Variants in TAC1 observed in about 807,000 individuals in gnomAD.
TAC1 encodes the protein protachykinin-1.
Under a neutral mutation model 21.7 loss-of-function variants are expected in TAC1, and 12 were observed. The observed-to-expected ratio is 0.55, with a 90% CI of 0.35 to 0.89. The LOEUF is 0.89. Among genes scored for constraint, TAC1 ranks in the 40% least tolerant of loss-of-function variants. TAC1 has a pLI of 0.01. For missense variants in TAC1, 128 were observed against 151.4 expected (o/e 0.85, Z 0.81); for synonymous variants, 52 against 52.0 (o/e 1.00, Z 0.00).
chr7:97,735,800 T>C (rs1789563967), intron 5 of TAC1, among the ~76,000 whole-genome samples: 1 of 152,102 alleles, frequency 6.6e-6, no homozygotes, highest in Non-Finnish European at 1.5e-5. Context: ...CTAATAAACT[T>C]TTCTGAAAGG....
rs1789450349 is a variant in TAC1 at position 97,732,179 on chromosome 7, C to CG, written c.-23dup. 1 of 154,616 alleles carries CG rather than the reference C, an allele frequency of 6.5e-6. No individual in the cohort carries two copies. The highest frequency in any genetic ancestry group is 2.4e-5 in the African/African-American group (1 of 41,462). The allele number at this position is 154,616 out of a possible 1,614,324, so 9.6% of individuals were successfully genotyped here. Reference sequence around the variant, plus strand: ...GGAACCAGAGAAACTCAGCACCCCGCGGGACTGTCCGTCGCAGTAAGTGCC... The same window carrying CG: ...GGAACCAGAGAAACTCAGCACCCCGCGGGGACTGTCCGTCGCAGTAAGTGCC... On this transcript the variant is annotated 5_prime_UTR_variant, in exon 1 of 7. Coordinates refer to ENST00000319273, the MANE Select transcript of TAC1 (RefSeq NM_003182.3). This position sits in a 1 kb window ranked among gnomAD's most constrained non-coding sequence, Gnocchi z 6.2.
Position 97,739,979 on chromosome 7 carries a change from A to AT in TAC1, c.*61dup. 1 of 1,197,694 alleles carries AT rather than the reference A, an allele frequency of 8.3e-7. No individual in the cohort carries two copies. The highest frequency in any genetic ancestry group is 2.1e-5 in the Admixed American group (1 of 48,114). The allele number at this position is 1,197,694 out of a possible 1,614,324, so 74.2% of individuals were successfully genotyped here. A position where few individuals can be genotyped will look rare whatever the true frequency, so the allele number is the denominator to read the frequency against. On this transcript the variant is annotated 3_prime_UTR_variant, in exon 7 of 7. Transcript: ENST00000319273. ...TGTGTCAATGGGCAATGACAGGTAA[A>AT]TTAAGACATGCACTATGAGGAATAA...
chr7:97,736,147 A>G (rs1789570546), intron 5 of TAC1, 152 bp from the exon 6 acceptor site: 1 of 540,892 alleles, frequency 1.8e-6, no homozygotes, highest in Admixed American at 3.7e-5. Context: ...AAAACTTTTA[A>G]GGAATCTTTA....
chr7:97,736,234 T>A, intron 5 of TAC1, 65 bp from the exon 6 acceptor site: 1 of 1,358,190 alleles, frequency 7.4e-7, no homozygotes, highest in Non-Finnish European at 1.0e-6. Context: ...TGCTTTGTTC[T>A]GGTTATAATA....
intron 2 of TAC1, among the ~76,000 whole-genome samples, chr7:97,733,504 C>T (rs1472005207): frequency 2.6e-5 from 4 of 152,094 alleles, no homozygotes; most frequent in African/African-American, 4.8e-5. Flanking sequence ...GAGCCAGCTG[C>T]TAACTCGCCC....
intron 6 of TAC1, among the ~76,000 whole-genome samples, chr7:97,739,090 T>G (rs954140349): frequency 6.6e-6 from 1 of 150,730 alleles, no homozygotes; most frequent in African/African-American, 2.4e-5. Context: ...TAAATACCTT[T>G]GGAAGCAATA....
intron 3 of TAC1, 26 bp from the exon 4 acceptor site, chr7:97,734,222 G>A: frequency 6.2e-7 from 1 of 1,612,168 alleles, no homozygotes; most frequent in Non-Finnish European, 8.5e-7. Flanking sequence ...GGAACATGTA[G>A]TTAATGACAA....
intron 2 of TAC1, 89 bp from the exon 3 acceptor site, chr7:97,733,634 C>A: frequency 1.5e-6 from 2 of 1,333,356 alleles, no homozygotes; most frequent in Non-Finnish European, 2.1e-6. Flanking sequence ...CGCCTCGGGG[C>A]CGGAGTACAG....
intron 5 of TAC1, among the ~76,000 whole-genome samples, chr7:97,735,959 T>C (rs2115840158): frequency 6.6e-6 from 1 of 152,190 alleles, no homozygotes; most frequent in South Asian, 2.1e-4. Flanking sequence ...TATTTCACTC[T>C]CACACAAATG....
intron 6 of TAC1, 145 bp from the exon 7 acceptor site, chr7:97,739,729 T>C: frequency 1.9e-6 from 1 of 540,248 alleles, no homozygotes; most frequent in Non-Finnish European, 3.3e-6. Context: ...TTGGAAGATG[T>C]GCAGATAACA....
chr7:97,739,461 A>G (rs1020023189), intron 6 of TAC1, among the ~76,000 whole-genome samples: 1 of 151,994 alleles, frequency 6.6e-6, no homozygotes, highest in Non-Finnish European at 1.5e-5. Flanking sequence ...ATGGTATTCT[A>G]GATTTGGCCC....
Position 97,732,423 on chromosome 7 carries a change from A to C in TAC1, c.-9-181A>C, listed in dbSNP as rs1351653613. ...TGGGATTCAGGGAGAAGAGGGTTGG[A>C]GAATCTTTGGGACGCGATTCTCTCG... On this transcript the variant is annotated intron_variant, in intron 1 of 6. Transcript: ENST00000319273. This position sits in a 1 kb window ranked among gnomAD's most constrained non-coding sequence, Gnocchi z 6.2. Among the ~76,000 whole-genome samples, 2 of 152,120 alleles carry C rather than the reference A, an allele frequency of 1.3e-5. No individual in the cohort carries two copies. Among genetic ancestry groups the C allele is most frequent in the African/African-American group, 4.8e-5 (2 of 41,428 alleles).
intron 6 of TAC1, among the ~76,000 whole-genome samples, chr7:97,737,901 C>A (rs1244082633): frequency 6.6e-6 from 1 of 151,946 alleles, no homozygotes; most frequent in Non-Finnish European, 1.5e-5. Flanking sequence ...TCTTGATAAT[C>A]ATATTAGTCA....
At chr7:97,738,848 AT>A (rs1180545594) in intron 6 of TAC1, among the ~76,000 whole-genome samples, 1 of 151,990 alleles carries the variant, frequency 6.6e-6, no homozygotes, top group Non-Finnish European at 1.5e-5. Context: ...GCCATACTGA[AT>A]TTCAAAAAGC....
rs758003256 is a variant in TAC1 at position 97,734,898 on chromosome 7, T to C, written c.289+49T>C. Reference sequence around the variant, plus strand: ...TTTATCAAATTTAAATGTAAAATTATATTGAATTTCACTTTATTTATCTTA... The same window carrying C: ...TTTATCAAATTTAAATGTAAAATTACATTGAATTTCACTTTATTTATCTTA... On this transcript the variant is annotated intron_variant, in intron 5 of 6. Coordinates refer to ENST00000319273, the MANE Select transcript of TAC1 (RefSeq NM_003182.3). 12 of 1,404,608 alleles carry C rather than the reference T, an allele frequency of 8.5e-6. No individual in the cohort carries two copies. The African/African-American group carries it at 8.6e-5, about 10-fold the overall frequency. 87.0% of individuals were successfully genotyped at this position (1,404,608 alleles called of 1,614,324 possible).
rs142489735 is a variant in TAC1 at position 97,740,242 on chromosome 7, CG to C, written c.*324del. On this transcript the variant is annotated 3_prime_UTR_variant, in exon 7 of 7. Transcript: ENST00000319273. ...TTTGAAGCAGTTGTGTCAGCTACTG[CG>C]GAAAAGGAAGGAAACTCCTGACAGT... is the stretch of plus-strand genomic sequence containing the variant. The C allele has an allele frequency of 4.9e-3, 900 of 184,622 alleles. 1 individual carries two copies. Among genetic ancestry groups the C allele is most frequent in the Non-Finnish European group, 7.6e-3 (679 of 89,470 alleles). 11.4% of individuals were successfully genotyped at this position (184,622 alleles called of 1,614,324 possible).
At chr7:97,737,418 T>G (rs111872152) in intron 6 of TAC1, among the ~76,000 whole-genome samples, 9 of 152,090 alleles carry the variant, frequency 5.9e-5, no homozygotes, top group African/African-American at 2.2e-4. Flanking sequence ...AATGGAGATT[T>G]TTTTCTTTAT....
At chr7:97,737,273 G>T (rs559879226) in intron 6 of TAC1, among the ~76,000 whole-genome samples, 2 of 151,796 alleles carry the variant, frequency 1.3e-5, no homozygotes, top group African/African-American at 4.8e-5. Flanking sequence ...TACTAAATAC[G>T]TTATTAATTA....
rs1484816410 is a variant in TAC1, at chr7:97,733,855, G to GCCCGC, written c.220+39_220+43dup. ...CGACCGTCCCTAGGTGTCTTGGGCAGCCCGCCCTGTCTGCTCACTCCTTCC... is the reference window on the plus strand; with the variant it reads ...CGACCGTCCCTAGGTGTCTTGGGCAGCCCGCCCCGCCCTGTCTGCTCACTCCTTCC... On this transcript the variant is annotated intron_variant, in intron 3 of 6. Coordinates refer to ENST00000319273, the MANE Select transcript of TAC1 (RefSeq NM_003182.3). 8 of 1,599,356 alleles carry GCCCGC rather than the reference G, an allele frequency of 5.0e-6. No individual in the cohort carries two copies. The African/African-American group carries it at 1.1e-4, about 21-fold the overall frequency.
Sources: gnomAD v4.1 joint callset for allele counts (sites outside exome capture counted in the v4.1 genomes callset) on GRCh38, gnomAD v4.1.1 for gene constraint, Gnocchi (gnomAD v3.1) non-coding constraint, MANE v1.5 for transcripts, NCBI Gene and HGNC (gene_info 2026-07-23, HGNC 2026-07-21) for gene names.